CC2D2B: variants seen among roughly 807,000 people sequenced by gnomAD.
CC2D2B encodes the protein protein CC2D2B.
A neutral mutation model predicts 161.2 loss-of-function variants in CC2D2B; 128 were observed. That is an observed-to-expected ratio of 0.79 (90% confidence interval 0.69 to 0.92). The LOEUF (loss-of-function observed/expected upper bound fraction) is 0.92, where lower values mean the gene tolerates loss of function less well. CC2D2B is among the 40% of genes least tolerant of loss of function. The probability of loss-of-function intolerance (pLI) is 0.00; values close to 1 mark genes in which losing one functional copy is unlikely to be tolerated. For synonymous variants in CC2D2B, 391 were observed against 449.8 expected, an observed-to-expected ratio of 0.87 and a Z score of 1.65; for missense variants, 1,173 against 1,375.1, an observed-to-expected ratio of 0.85 and a Z score of 2.32.
chr10:96,020,420 A>T (rs1192896470), intron 32 of CC2D2B: 1 of 152,504 alleles, frequency 6.6e-6, no homozygotes, highest in Non-Finnish European at 1.5e-5. Context: ...TCTGGGGCTC[A>T]GGGTACAGGA....
intron 9 of CC2D2B, among the ~76,000 whole-genome samples, chr10:95,940,348 A>C (rs1197152808): frequency 6.6e-6 from 1 of 152,156 alleles, no homozygotes; most frequent in Non-Finnish European, 1.5e-5. Context: ...ACAGATCCAA[A>C]CCATATCACT....
intron 2 of CC2D2B, among the ~76,000 whole-genome samples, chr10:95,918,605 T>C (rs1555317660): frequency 6.6e-6 from 1 of 152,220 alleles, no homozygotes; most frequent in Non-Finnish European, 1.5e-5. Flanking sequence ...CTCATTGGGT[T>C]AAATATGCTC....
In CC2D2B at chr10:96,031,865, A is replaced by G; in HGVS notation, c.4171A>G (p.Ile1391Val). The G allele has an allele frequency of 6.2e-7, 1 of 1,613,816 alleles. No homozygotes were observed. Among genetic ancestry groups the G allele is most frequent in the South Asian group, 1.1e-5 (1 of 91,056 alleles). ...IQMPYIDVQSIIDAVYQTGIH... is the reference protein window; with the variant it reads ...IQMPYIDVQSVIDAVYQTGIH... Reference sequence around the variant, plus strand: ...GATGCCATACATTGATGTACAGTCAATTATTGATGCTGTTTATCAAACTGG... The same window carrying G: ...GATGCCATACATTGATGTACAGTCAGTTATTGATGCTGTTTATCAAACTGG... The change falls in exon 35 of 35, where the codon ATT (isoleucine) becomes GTT (valine). Residue 1391 changes from isoleucine (I) to valine (V), a missense_variant. Transcript: ENST00000646931.
At chr10:96,025,448 G>C (rs887499518) in intron 33 of CC2D2B, among the ~76,000 whole-genome samples, 3 of 151,318 alleles carry the variant, frequency 2.0e-5, no homozygotes, top group African/African-American at 7.3e-5. Context: ...GCCATCCAGG[G>C]CATTCTTTGA....
At chr10:95,909,776 T>C (rs2098502767) in intron 1 of CC2D2B, among the ~76,000 whole-genome samples, 1 of 152,144 alleles carries the variant, frequency 6.6e-6, no homozygotes, top group African/African-American at 2.4e-5. Context: ...GTAACCAAGG[T>C]GACTGAAAAT....
chr10:95,913,893 A>G (rs1451975486), intron 2 of CC2D2B, among the ~76,000 whole-genome samples: 1 of 152,142 alleles, frequency 6.6e-6, no homozygotes, highest in Non-Finnish European at 1.5e-5. Context: ...TAGTTTGCAT[A>G]TATTTTCTCC....
chr10:96,003,783 A>C (rs966588616), intron 24 of CC2D2B, among the ~76,000 whole-genome samples: 6 of 152,142 alleles, frequency 3.9e-5, no homozygotes, highest in Admixed American at 2.0e-4. Context: ...AGTCATATCT[A>C]TTAACTGGGA....
At chr10:96,028,248 A>C (rs899536650) in intron 34 of CC2D2B, among the ~76,000 whole-genome samples, 3 of 152,222 alleles carry the variant, frequency 2.0e-5, no homozygotes, top group African/African-American at 7.2e-5. Flanking sequence ...TAATAACCAG[A>C]ATATATAAGG....
chr10:95,911,994 A>C (rs1218234393), intron 2 of CC2D2B, among the ~76,000 whole-genome samples: 3 of 152,186 alleles, frequency 2.0e-5, no homozygotes, highest in African/African-American at 7.2e-5. Context: ...AGTAGTTTTT[A>C]ATAGTGGTAC....
At chr10:95,916,772 GT>G (rs1426873604) in intron 2 of CC2D2B, among the ~76,000 whole-genome samples, 1 of 152,100 alleles carries the variant, frequency 6.6e-6, no homozygotes, top group Non-Finnish European at 1.5e-5. Context: ...TGATTTCAAA[GT>G]TTTTGAATTT....
At chr10:95,963,837 G>T (rs191201633) in intron 12 of CC2D2B, among the ~76,000 whole-genome samples, 1 of 152,216 alleles carries the variant, frequency 6.6e-6, no homozygotes, top group Admixed American at 6.5e-5. Flanking sequence ...AAGTTACAGC[G>T]GCAGAAATGA....
At chr10:95,915,047 C>G (rs2098513547) in intron 2 of CC2D2B, among the ~76,000 whole-genome samples, 1 of 152,196 alleles carries the variant, frequency 6.6e-6, no homozygotes, top group Admixed American at 6.5e-5. Flanking sequence ...AATCTATGAA[C>G]ATGAAATATC....
intron 2 of CC2D2B, among the ~76,000 whole-genome samples, chr10:95,914,732 C>A (rs1462461995): frequency 6.6e-6 from 1 of 152,166 alleles, no homozygotes. Context: ...TTTCCTGAGG[C>A]CTCCCCAGCA....
rs948606112 is a variant in CC2D2B at position 96,016,234 on chromosome 10, G to A, written c.3550G>A (p.Glu1184Lys). Residue 1184 changes from glutamate to lysine, a missense_variant, in exon 30 of 35, where the codon GAG becomes AAG. Glu to Lys is a moderately conservative substitution (Grantham distance 56). Around this residue, in one of 3 missense-constraint regions of CC2D2B, gnomAD observed 598 missense variants for 693.2 expected, o/e 0.86. Transcript: ENST00000646931. ...CISLAIGNKE[E>K]HAILLCNFFL... ...CAGTTTAGCTATCGGAAATAAGGAG[G>A]AGCATGCCATCCTTCTCTGTAATTT... The A allele has an allele frequency of 6.2e-7, 1 of 1,612,436 alleles. No individual in the cohort carries two copies. The highest frequency in any genetic ancestry group is 8.5e-7 in the Non-Finnish European group (1 of 1,179,450).
intron 24 of CC2D2B, among the ~76,000 whole-genome samples, chr10:96,003,450 C>T (rs1224172213): frequency 1.3e-5 from 2 of 151,822 alleles, no homozygotes; most frequent in Non-Finnish European, 2.9e-5. Context: ...TGGAGTTCTG[C>T]TCTTGTTACC....
At chr10:96,014,007 A>G (rs925094640) in intron 29 of CC2D2B, 130 bp downstream of exon 29, 8 of 375,932 alleles carry the variant, frequency 2.1e-5, no homozygotes, top group African/African-American at 1.7e-4. Context: ...AATTTTATAC[A>G]TCATCTTCAG....
At chr10:95,993,779 T>G (rs1444883859) in intron 22 of CC2D2B, among the ~76,000 whole-genome samples, 3 of 144,082 alleles carry the variant, frequency 2.1e-5, no homozygotes, top group Admixed American at 7.0e-5. Flanking sequence ...TGTATATATA[T>G]AGAGTATATA....
rs558703240 is a variant in CC2D2B at position 96,027,354 on chromosome 10, G to A, written c.4090G>A (p.Asp1364Asn). The A allele has an allele frequency of 7.1e-6, 11 of 1,548,404 alleles. No individual in the cohort carries two copies. In the South Asian group the frequency reaches 1.3e-4, roughly 19 times the overall value. ...GIGSFVSSEG[D>N]NEFERILQFY... The stretch of plus-strand genomic sequence containing the variant: ...AGGAAGCTTTGTTTCATCTGAAGGA[G>A]ATAATGAATTTGAAAGAATACTACA... Residue 1364 changes from aspartate (D) to asparagine (N), a missense_variant, in exon 34 of 35, where the codon GAT becomes AAT. Asp to Asn is a conservative substitution (Grantham distance 23). Coordinates refer to ENST00000646931, the MANE Select transcript of CC2D2B (RefSeq NM_001349008.3).
chr10:95,933,355 A>G (rs887314268), intron 6 of CC2D2B, among the ~76,000 whole-genome samples: 3 of 151,918 alleles, frequency 2.0e-5, no homozygotes, highest in Admixed American at 6.6e-5. Flanking sequence ...GGAATTTGTT[A>G]TTACCCACCT....
Sources: allele counts gnomAD v4.1 joint callset (sites outside exome capture counted in the v4.1 genomes callset), GRCh38; gene constraint gnomAD v4.1.1; regional missense constraint gnomAD v4.1.1; transcripts MANE v1.5; gene names NCBI Gene and HGNC (gene_info 2026-07-23, HGNC 2026-07-21).